Variants in PPM1L observed in about 807,000 individuals in gnomAD.
The protein encoded by PPM1L is protein phosphatase 1L.
A neutral mutation model predicts 31.4 loss-of-function variants in PPM1L; 13 were observed. The ratio of observed to expected loss-of-function variants is 0.41; its 90% CI spans 0.27 to 0.66. The LOEUF (loss-of-function observed/expected upper bound fraction) is 0.66. PPM1L is among the 30% of genes least tolerant of loss of function. The pLI, the probability that PPM1L is intolerant of heterozygous loss-of-function variation, is 0.29. For missense variants in PPM1L, 326 were observed against 453.7 expected (o/e 0.72, Z 2.56); for synonymous variants, 184 against 175.4 (o/e 1.05, Z -0.39).
intron 1 of PPM1L, among the ~76,000 whole-genome samples, chr3:160,904,633 A>G (rs1237675858): frequency 6.6e-6 from 1 of 152,066 alleles, no homozygotes; most frequent in Non-Finnish European, 1.5e-5. Flanking sequence ...TATCAGTGCT[A>G]CATTATTGAT....
At chr3:160,983,420 A>C (rs971100199) in intron 2 of PPM1L, among the ~76,000 whole-genome samples, 4 of 151,876 alleles carry the variant, frequency 2.6e-5, no homozygotes, top group African/African-American at 7.3e-5. Flanking sequence ...ACTAGATTTT[A>C]GCAGATTTTT....
Position 160,881,922 on chromosome 3 carries a change from G to A in PPM1L, c.400-79814G>A, listed in dbSNP as rs1261030475. ...AAAAATTAGCCGGGCGTGGTAACAG[G>A]CGTCTGTAATCCCAGCTACTAGGGA... On this transcript the variant is annotated intron_variant, in intron 1 of 3. Transcript: ENST00000498165. Among the ~76,000 whole-genome samples, 8 of 152,098 alleles carry A rather than the reference G, an allele frequency of 5.3e-5. No homozygotes were observed. The East Asian group carries it at 1.5e-3, about 29-fold the overall frequency.
At position 161,065,698 on chromosome 3, in the gene PPM1L, C is replaced by T. The variant is rs990046167; in HGVS notation, c.736+134C>T. The T allele has an allele frequency of 2.0e-5, 13 of 644,020 alleles. No homozygotes were observed. In the Admixed American group the frequency reaches 3.0e-4, roughly 15 times the overall value. The allele number at this position is 644,020 out of a possible 1,614,324, so 39.9% of individuals were successfully genotyped here. Reference sequence around the variant, plus strand: ...CTGCTACTGAGGTAACTGAGATTGACTTTGTAACATTACCTATCAAATAAA... The same window carrying T: ...CTGCTACTGAGGTAACTGAGATTGATTTTGTAACATTACCTATCAAATAAA... On this transcript the variant is annotated intron_variant, in intron 3 of 3. Transcript: ENST00000498165.
chr3:160,982,988 A>G (rs1039087192), intron 2 of PPM1L, among the ~76,000 whole-genome samples: 9 of 152,190 alleles, frequency 5.9e-5, no homozygotes, highest in African/African-American at 1.9e-4. Context: ...TCTCGTTTCA[A>G]ATTGCTTTTT....
chr3:161,057,062 C>T (rs1235267167), intron 2 of PPM1L, among the ~76,000 whole-genome samples: 4 of 151,596 alleles, frequency 2.6e-5, no homozygotes, highest in Non-Finnish European at 5.9e-5. Flanking sequence ...AACTCCATCT[C>T]AAAAAAATAA....
At chr3:160,942,280 G>A (rs1456857924) in intron 1 of PPM1L, among the ~76,000 whole-genome samples, 1 of 152,000 alleles carries the variant, frequency 6.6e-6, no homozygotes, top group Non-Finnish European at 1.5e-5. Flanking sequence ...ATTTTGTAGA[G>A]ATGGGAGTCT....
At chr3:160,982,813 A>G (rs1360982437) in intron 2 of PPM1L, among the ~76,000 whole-genome samples, 1 of 152,198 alleles carries the variant, frequency 6.6e-6, no homozygotes, top group Non-Finnish European at 1.5e-5. Context: ...TCCTAAAGAA[A>G]ACAACAGTAA....
At chr3:161,050,109 A>G (rs1028307565) in intron 2 of PPM1L, among the ~76,000 whole-genome samples, 5 of 152,206 alleles carry the variant, frequency 3.3e-5, no homozygotes, top group Admixed American at 1.3e-4. Flanking sequence ...TGATGAGTCT[A>G]TGACCTGGCG....
intron 2 of PPM1L, among the ~76,000 whole-genome samples, chr3:161,040,203 T>A (rs1718869393): frequency 6.6e-6 from 1 of 152,206 alleles, no homozygotes; most frequent in Non-Finnish European, 1.5e-5. Flanking sequence ...ACCCCTTTGC[T>A]TTCTTCTTTG....
intron 2 of PPM1L, among the ~76,000 whole-genome samples, chr3:161,016,320 T>C (rs1006054195): frequency 6.6e-6 from 1 of 152,258 alleles, no homozygotes; most frequent in Non-Finnish European, 1.5e-5. Flanking sequence ...TCCTATATTC[T>C]AGGAGAGGCC....
intron 1 of PPM1L, among the ~76,000 whole-genome samples, chr3:160,813,167 T>A (rs1560114206): frequency 6.6e-6 from 1 of 152,172 alleles, no homozygotes; most frequent in Admixed American, 6.5e-5. Flanking sequence ...TTTATGTTAT[T>A]TCTATTTTAT....
intron 1 of PPM1L, among the ~76,000 whole-genome samples, chr3:160,790,310 T>A (rs1712065958): frequency 6.6e-6 from 1 of 152,184 alleles, no homozygotes; most frequent in African/African-American, 2.4e-5. Context: ...CTTAAATGTT[T>A]ACTAATATTC....
At chr3:160,876,544 A>G (rs1239581048) in intron 1 of PPM1L, among the ~76,000 whole-genome samples, 1 of 152,242 alleles carries the variant, frequency 6.6e-6, no homozygotes, top group Non-Finnish European at 1.5e-5. Context: ...GCTCCTCAGC[A>G]AAGCCCAAAT....
intron 2 of PPM1L, among the ~76,000 whole-genome samples, chr3:161,036,983 A>T (rs891728307): frequency 3.9e-5 from 6 of 152,184 alleles, no homozygotes; most frequent in African/African-American, 1.2e-4. Context: ...AAAATCCTTT[A>T]AAAAAATCTT....
At chr3:160,915,650 C>T (rs1714144041) in intron 1 of PPM1L, among the ~76,000 whole-genome samples, 1 of 152,172 alleles carries the variant, frequency 6.6e-6, no homozygotes, top group South Asian at 2.1e-4. Context: ...TGCTACCTGA[C>T]TTCAAACTAT....
chr3:160,886,676 C>A (rs1712927285), intron 1 of PPM1L, among the ~76,000 whole-genome samples: 2 of 152,062 alleles, frequency 1.3e-5, no homozygotes, highest in Admixed American at 6.5e-5. Context: ...TCAACAACAA[C>A]AAAAAGTCCC....
chr3:161,055,849 A>G (rs1719395261), intron 2 of PPM1L, among the ~76,000 whole-genome samples: 1 of 152,098 alleles, frequency 6.6e-6, no homozygotes, highest in African/African-American at 2.4e-5. Context: ...TATGTCACAG[A>G]AGGGAGCTGC....
intron 1 of PPM1L, among the ~76,000 whole-genome samples, chr3:160,868,378 CA>C (rs1328371186): frequency 6.6e-6 from 1 of 152,162 alleles, no homozygotes; most frequent in Non-Finnish European, 1.5e-5. Context: ...GGCACCCTGC[CA>C]AGACTTCGGT....
At chr3:161,043,762 T>G (rs1450315074) in intron 2 of PPM1L, among the ~76,000 whole-genome samples, 1 of 152,238 alleles carries the variant, frequency 6.6e-6, no homozygotes, top group Non-Finnish European at 1.5e-5. Flanking sequence ...GTTCTCTCTC[T>G]GATGCACTGG....
Sources: allele counts gnomAD v4.1 joint callset (sites outside exome capture counted in the v4.1 genomes callset), GRCh38; gene constraint gnomAD v4.1.1; transcripts MANE v1.5; gene names NCBI Gene and HGNC (gene_info 2026-07-23, HGNC 2026-07-21).